PCDHA4: variants seen among roughly 807,000 people sequenced by gnomAD.
The protein encoded by PCDHA4 is protocadherin alpha-4.
PCDHA4 carries 49 observed loss-of-function variants against 61.4 expected under a neutral mutation model. The ratio of observed to expected loss-of-function variants is 0.80; its 90% confidence interval spans 0.63 to 1.01. The LOEUF (loss-of-function observed/expected upper bound fraction) is 1.01. Among genes scored for constraint, PCDHA4 ranks in the 50% least tolerant of loss-of-function variants. PCDHA4 has a pLI of 0.00. For missense variants in PCDHA4, 1,254 were observed against 1,235.8 expected, an observed-to-expected ratio of 1.01 and a Z score of -0.22; for synonymous variants, 590 against 550.3, an observed-to-expected ratio of 1.07 and a Z score of -1.01.
At chr5:141,009,450 A>G (rs1272306412) in intron 3 of PCDHA4, among the ~76,000 whole-genome samples, 177 bp from the exon 4 acceptor site, 1 of 152,250 alleles carries the variant, frequency 6.6e-6, no homozygotes, top group Non-Finnish European at 1.5e-5. Context: ...TCTCAAAAAA[A>G]TTAAACAAAT....
chr5:140,817,299 A>C (rs1210324230), intron 1 of PCDHA4: 2 of 152,198 alleles, frequency 1.3e-5, no homozygotes, highest in Non-Finnish European at 2.9e-5. Context: ...GACTATAGGG[A>C]AAGTGCCCCA....
intron 1 of PCDHA4, chr5:140,849,434 T>C (rs2150437412): frequency 1.0e-5 from 16 of 1,580,752 alleles, no homozygotes; most frequent in Non-Finnish European, 9.5e-6. Context: ...TTGAAGAAAG[T>C]AGAGCACACA....
In PCDHA4 at chr5:141,009,914, A is replaced by T; in HGVS notation, c.2821A>T (p.Thr941Ser). The change falls in exon 4 of 4, where the codon ACG (threonine) becomes TCG (serine). Residue 941 changes from threonine (T) to serine (S), a missense_variant. Thr to Ser is a moderately conservative substitution (Grantham distance 58). Coordinates refer to ENST00000530339, the MANE Select transcript of PCDHA4 (RefSeq NM_018907.4). ...GGAGAAAAAAGAGAAAGGGAACAGCACGACTGACAACAGTGACCAGTGAGG... is the reference window on the plus strand; with the variant it reads ...GGAGAAAAAAGAGAAAGGGAACAGCTCGACTGACAACAGTGACCAGTGAGG... ...TQEKKEKGNSTTDNSDQ is the reference protein window; with the variant it reads ...TQEKKEKGNSSTDNSDQ The T allele has an allele frequency of 6.2e-7, 1 of 1,611,466 alleles. No homozygotes were observed. The highest frequency in any genetic ancestry group is 8.5e-7 in the Non-Finnish European group (1 of 1,179,328).
At chr5:140,968,036 A>G (rs1554230231) in intron 1 of PCDHA4, 1 of 1,614,042 alleles carries the variant, frequency 6.2e-7, no homozygotes, top group African/African-American at 1.3e-5. Context: ...ACTGGTGGTG[A>G]GCGGCCCACT....
chr5:141,006,931 G>A (rs1268492539), intron 3 of PCDHA4, among the ~76,000 whole-genome samples: 1 of 152,158 alleles, frequency 6.6e-6, no homozygotes, highest in African/African-American at 2.4e-5. Flanking sequence ...ATTTCCAACT[G>A]GGGATACCAG....
At chr5:140,884,152 T>G (rs1279761986) in intron 1 of PCDHA4, 7 of 1,613,332 alleles carry the variant, frequency 4.3e-6, no homozygotes, top group East Asian at 2.2e-5. Context: ...GGCTGTACAC[T>G]GGCGAGATCA....
At chr5:140,832,848 G>C (rs2150204756) in intron 1 of PCDHA4, among the ~76,000 whole-genome samples, 1 of 152,162 alleles carries the variant, frequency 6.6e-6, no homozygotes, top group East Asian at 1.9e-4. Context: ...GAAGGAGACC[G>C]TGAAGAGTCA....
intron 1 of PCDHA4, chr5:140,853,738 T>A: frequency 2.0e-6 from 2 of 988,624 alleles, no homozygotes. Context: ...CATTGAATGT[T>A]CTGGTTCAAG....
At chr5:140,880,764 G>T (rs1438457004) in intron 1 of PCDHA4, among the ~76,000 whole-genome samples, 1 of 152,198 alleles carries the variant, frequency 6.6e-6, no homozygotes, top group Non-Finnish European at 1.5e-5. Context: ...GCGTGTTGGA[G>T]GCTAAAAAGA....
At chr5:140,944,077 G>A (rs913476675) in intron 1 of PCDHA4, among the ~76,000 whole-genome samples, 1 of 152,204 alleles carries the variant, frequency 6.6e-6, no homozygotes, top group Non-Finnish European at 1.5e-5. Context: ...TAAAGATAAA[G>A]GAGGCCTGAG....
At chr5:140,911,744 C>T (rs758009837) in intron 1 of PCDHA4, among the ~76,000 whole-genome samples, 2 of 151,280 alleles carry the variant, frequency 1.3e-5, no homozygotes, top group Non-Finnish European at 2.9e-5. Flanking sequence ...CAAGGACTAT[C>T]AGTGTTCTCC....
chr5:140,925,108 G>GGGAA (rs1299910272), intron 1 of PCDHA4, among the ~76,000 whole-genome samples: 1 of 124,780 alleles, frequency 8.0e-6, no homozygotes, highest in East Asian at 2.1e-4. Flanking sequence ...GAAGGAAGGA[G>GGGAA]GGAAGGAAGG....
chr5:140,909,010 G>C (rs2074261521), intron 1 of PCDHA4, among the ~76,000 whole-genome samples: 1 of 152,120 alleles, frequency 6.6e-6, no homozygotes, highest in South Asian at 2.1e-4. Flanking sequence ...GAGGTAGAAG[G>C]TTCCTGAATT....
Position 141,009,995 on chromosome 5 carries a change from C to T in PCDHA4, c.*58C>T, listed in dbSNP as rs1178395504. 6.3e-7 allele frequency: 1 copy of T among 1,576,476 alleles called. No individual in the cohort carries two copies. The highest frequency in any genetic ancestry group is 8.6e-7 in the Non-Finnish European group (1 of 1,165,244). ...TTTTTGTAATAATGGCAAATCTCTC[C>T]CATGTAGCAATTCCCTGCTCCTTTT... On this transcript the variant is annotated 3_prime_UTR_variant, in exon 4 of 4. Coordinates refer to ENST00000530339, the MANE Select transcript of PCDHA4 (RefSeq NM_018907.4).
chr5:140,989,139 C>G (rs1308771993), intron 3 of PCDHA4, among the ~76,000 whole-genome samples: 1 of 152,136 alleles, frequency 6.6e-6, no homozygotes, highest in African/African-American at 2.4e-5. Context: ...ACACTTTATC[C>G]CTTCTTTTGT....
chr5:140,835,725 G>C (rs2150243206), intron 1 of PCDHA4: 1 of 1,613,874 alleles, frequency 6.2e-7, no homozygotes. Context: ...GGTGGCCGAC[G>C]TGAACGACAA....
At chr5:140,846,919 T>C (rs1554141550) in intron 1 of PCDHA4, among the ~76,000 whole-genome samples, 1 of 149,698 alleles carries the variant, frequency 6.7e-6, no homozygotes, top group African/African-American at 2.4e-5. Context: ...CATTTCCTAT[T>C]TGAATTTTTG....
rs2150170634 is a variant in PCDHA4 at position 140,829,586 on chromosome 5, G to A, written c.2385+20014G>A. ...GTCCTACTCGCTGGTGGAGCGGCGG[G>A]TGGGCGAGCGCGCGTTGTCGAGCTA... On this transcript the variant is annotated intron_variant, in intron 1 of 3. Coordinates refer to ENST00000530339, the MANE Select transcript of PCDHA4 (RefSeq NM_018907.4). 10 of 1,612,232 alleles carry A rather than the reference G, an allele frequency of 6.2e-6. No individual in the cohort carries two copies. Among genetic ancestry groups the A allele is most frequent in the Non-Finnish European group, 7.6e-6 (9 of 1,179,786 alleles).
intron 1 of PCDHA4, chr5:140,869,064 A>G (rs782442864): frequency 1.9e-6 from 3 of 1,559,452 alleles, no homozygotes; most frequent in East Asian, 4.5e-5. Flanking sequence ...TGGTACTGTA[A>G]GTGTAAAGAA....
Sources: gnomAD v4.1 joint callset for allele counts (sites outside exome capture counted in the v4.1 genomes callset) on GRCh38, gnomAD v4.1.1 for gene constraint, MANE v1.5 for transcripts, NCBI Gene and HGNC (gene_info 2026-07-23, HGNC 2026-07-21) for gene names.